ERCC6L2: variants seen among roughly 807,000 people sequenced by gnomAD.
ERCC6L2 encodes DNA excision repair protein ERCC-6-like 2.
ERCC6L2 carries 77 observed loss-of-function variants against 132.0 expected under a neutral mutation model. That is an observed-to-expected ratio of 0.58 (90% confidence interval 0.49 to 0.71). ERCC6L2 has a LOEUF of 0.71. Among genes scored for constraint, ERCC6L2 ranks in the 30% least tolerant of loss-of-function variants. The probability of loss-of-function intolerance (pLI) is 0.00; values close to 1 mark genes in which losing one functional copy is unlikely to be tolerated. For missense variants in ERCC6L2, 1,542 were observed against 1,837.6 expected (o/e 0.84, Z 2.94); for synonymous variants, 583 against 632.4 (o/e 0.92, Z 1.17).
At chr9:95,950,451 T>C (rs1254679874) in intron 12 of ERCC6L2, among the ~76,000 whole-genome samples, 1 of 152,098 alleles carries the variant, frequency 6.6e-6, no homozygotes, top group Non-Finnish European at 1.5e-5. Flanking sequence ...ATAAGACATA[T>C]AGAAAATAAA....
rs548084380 is a variant in ERCC6L2, at chr9:96,013,735, A to G, written c.*532A>G. Reference sequence around the variant, plus strand: ...GGGCATCATGTTCTATTATTATTTTAGAAAAAAGTCATAATTGGTACTGAA... The same window carrying G: ...GGGCATCATGTTCTATTATTATTTTGGAAAAAAGTCATAATTGGTACTGAA... On this transcript the variant is annotated 3_prime_UTR_variant, in exon 19 of 19. Transcript: ENST00000653738. 1 of 152,596 alleles carries G rather than the reference A, an allele frequency of 6.6e-6. No homozygotes were observed. Among genetic ancestry groups the G allele is most frequent in the African/African-American group, 2.4e-5 (1 of 41,570 alleles). 9.5% of individuals were successfully genotyped at this position (152,596 alleles called of 1,614,324 possible). A position where few individuals can be genotyped will look rare whatever the true frequency, so the allele number is the denominator to read the frequency against.
chr9:95,887,839 A>T (rs948351008), intron 2 of ERCC6L2, among the ~76,000 whole-genome samples: 9 of 152,214 alleles, frequency 5.9e-5, no homozygotes, highest in African/African-American at 2.2e-4. Flanking sequence ...ATAGTAATAA[A>T]GAGAAAAATA....
chr9:95,907,733 C>G (rs143289354), intron 4 of ERCC6L2, among the ~76,000 whole-genome samples: 2 of 151,718 alleles, frequency 1.3e-5, no homozygotes, highest in East Asian at 3.9e-4. Flanking sequence ...CATGTACAGC[C>G]TTTTATGCAG....
intron 19 of ERCC6L2, among the ~76,000 whole-genome samples, chr9:96,033,959 G>A (rs909648495): frequency 2.6e-5 from 4 of 152,226 alleles, no homozygotes; most frequent in Admixed American, 6.5e-5. Context: ...AGAAGGGCCC[G>A]TTGTCTGCAC....
At chr9:95,982,711 G>GTATATA (rs76411025) in intron 17 of ERCC6L2, among the ~76,000 whole-genome samples, 74 of 151,408 alleles carry the variant, frequency 4.9e-4, no homozygotes, top group Admixed American at 1.1e-3. Flanking sequence ...TAAAATATGT[G>GTATATA]TATATATATA....
intron 6 of ERCC6L2, among the ~76,000 whole-genome samples, chr9:95,920,620 A>G (rs1345062812): frequency 6.6e-6 from 1 of 152,178 alleles, no homozygotes; most frequent in Non-Finnish European, 1.5e-5. Context: ...GTTTGTTCAT[A>G]TTATGATTTC....
At chr9:95,891,328 C>G (rs1180453201) in intron 2 of ERCC6L2, among the ~76,000 whole-genome samples, 1 of 152,160 alleles carries the variant, frequency 6.6e-6, no homozygotes, top group African/African-American at 2.4e-5. Flanking sequence ...CACTGTAATA[C>G]ACAAACGCAT....
chr9:95,969,482 T>G (rs1832315607), intron 14 of ERCC6L2, among the ~76,000 whole-genome samples: 2 of 152,038 alleles, frequency 1.3e-5, no homozygotes, highest in Non-Finnish European at 2.9e-5. Context: ...TGCTGACGGG[T>G]CAGATACAGG....
chr9:95,968,353 C>T (rs1395399999), intron 14 of ERCC6L2: 1 of 151,916 alleles, frequency 6.6e-6, no homozygotes, highest in Non-Finnish European at 1.5e-5. Context: ...CCATCCATGC[C>T]CTACATTTGT....
At chr9:95,945,843 T>C (rs914418839) in intron 12 of ERCC6L2, among the ~76,000 whole-genome samples, 1 of 152,166 alleles carries the variant, frequency 6.6e-6, no homozygotes, top group Non-Finnish European at 1.5e-5. Flanking sequence ...GCATGACCAA[T>C]GAAGTGTCAG....
chr9:96,032,950 G>A (rs1269756974), intron 19 of ERCC6L2, among the ~76,000 whole-genome samples: 2 of 152,150 alleles, frequency 1.3e-5, no homozygotes, highest in African/African-American at 2.4e-5. Flanking sequence ...GCCCAGACTC[G>A]TTTAATCTCA....
rs1554763597 is a variant in ERCC6L2 at position 96,015,023 on chromosome 9, T to TTTTG, written c.*1823_*1824insGTTT. ...GTCTTCATATATGTACAGTTTTTTT[T>TTTTG]TTTTTTTTTTTTTTTTTGAGATTGA... On this transcript the variant is annotated 3_prime_UTR_variant, in exon 19 of 19. Coordinates refer to ENST00000653738, the MANE Select transcript of ERCC6L2 (RefSeq NM_020207.7). Among the ~76,000 whole-genome samples the TTTTG allele has an allele frequency of 9.3e-3, 1,152 of 123,724 alleles. 74 individuals are homozygous for TTTTG. The highest frequency in any genetic ancestry group is 0.037 in the African/African-American group (1,079 of 29,164). The allele number at this position is 123,724 out of a possible 152,430, so 81.2% of individuals were successfully genotyped here.
intron 13 of ERCC6L2, among the ~76,000 whole-genome samples, chr9:95,958,825 G>A (rs1326213542): frequency 6.6e-6 from 1 of 152,084 alleles, no homozygotes; most frequent in Non-Finnish European, 1.5e-5. Flanking sequence ...TACAAGGGAC[G>A]TGAAGGACCT....
At chr9:96,003,984 A>G (rs1833777082) in intron 17 of ERCC6L2, among the ~76,000 whole-genome samples, 1 of 152,228 alleles carries the variant, frequency 6.6e-6, no homozygotes, top group Non-Finnish European at 1.5e-5. Context: ...GATTCCATCT[A>G]TAATTCAGCC....
At chr9:95,953,378 C>G (rs986898986) in intron 12 of ERCC6L2, among the ~76,000 whole-genome samples, 7 of 152,046 alleles carry the variant, frequency 4.6e-5, no homozygotes, top group Admixed American at 1.3e-4. Context: ...AGGTCAAGAC[C>G]ATCCTAGCTA....
chr9:96,039,113 G>A (rs377470651), exon 20 of ERCC6L2, among the ~76,000 whole-genome samples: 2 of 152,214 alleles, frequency 1.3e-5, no homozygotes, highest in South Asian at 2.1e-4. Context: ...CTTCCCAGCT[G>A]AGCCCACAGA....
chr9:96,017,104 A>T lies in ERCC6L2; in HGVS notation c.*3901A>T, dbSNP rs1834198046. Among the ~76,000 whole-genome samples the T allele has an allele frequency of 6.6e-6, 1 of 152,090 alleles. No homozygotes were observed. Among genetic ancestry groups the T allele is most frequent in the African/African-American group, 2.4e-5 (1 of 41,388 alleles). On this transcript the variant is annotated 3_prime_UTR_variant, in exon 19 of 19. Coordinates refer to ENST00000653738, the MANE Select transcript of ERCC6L2 (RefSeq NM_020207.7). ...CCTGCTGCTCATTCCATCATCACGGATACAGACTTGTTTCTGGTTTCATCT... is the reference window on the plus strand; with the variant it reads ...CCTGCTGCTCATTCCATCATCACGGTTACAGACTTGTTTCTGGTTTCATCT...
Position 95,928,738 on chromosome 9 carries a change from A to G in ERCC6L2, c.1625A>G (p.Gln542Arg). The stretch of plus-strand genomic sequence containing the variant: ...GTCTAGTTGCTTGACGTGCTACAGC[A>G]GTACTGTATGGCGTCTGGGCTTGAT... The part of the protein sequence containing the change: ...FSTKLLDVLQ[Q>R]YCMASGLDYR... Residue 542 changes from glutamine to arginine, a missense_variant, in exon 11 of 19, where the codon CAG becomes CGG. Gln to Arg is a conservative substitution (Grantham distance 43, BLOSUM62 1). Coordinates refer to ENST00000653738, the MANE Select transcript of ERCC6L2 (RefSeq NM_020207.7). 6.2e-7 allele frequency: 1 copy of G among 1,610,990 alleles called. No homozygotes were observed. Among genetic ancestry groups the G allele is most frequent in the Non-Finnish European group, 8.5e-7 (1 of 1,178,980 alleles).
In ERCC6L2 at chr9:95,916,290, A is replaced by G; in HGVS notation, c.1014A>G (p.Glu338=). Residue 338 remains glutamate (E), a synonymous_variant, in exon 6 of 19, where the codon GAA becomes GAG. Coordinates refer to ENST00000653738, the MANE Select transcript of ERCC6L2 (RefSeq NM_020207.7). ...AGAAGCAGTTTTCTGACCCAGTAGA[A>G]CATGGTCAGAGACACACGGCAACAA... The part of the protein sequence containing the change: ...YFKKQFSDPV[E]HGQRHTATKR... 1 of 1,614,150 alleles carries G rather than the reference A, an allele frequency of 6.2e-7. No individual in the cohort carries two copies. Among genetic ancestry groups the G allele is most frequent in the Non-Finnish European group, 8.5e-7 (1 of 1,180,004 alleles).
Sources: allele counts gnomAD v4.1 joint callset (sites outside exome capture counted in the v4.1 genomes callset), GRCh38; gene constraint gnomAD v4.1.1; transcripts MANE v1.5; gene names NCBI Gene and HGNC (gene_info 2026-07-23, HGNC 2026-07-21).